The following MALRD1 variants were observed in gnomAD, a reference collection of about 807,000 sequenced individuals.
MALRD1 encodes the protein MAM and LDL receptor class A domain containing 1.
A neutral mutation model predicts 242.1 loss-of-function variants in MALRD1; 247 were observed. That is an observed-to-expected ratio of 1.02 (90% confidence interval 0.92 to 1.13). The LOEUF (loss-of-function observed/expected upper bound fraction) is 1.13. Among genes scored for constraint, MALRD1 ranks in the 50% most tolerant of loss-of-function variants. MALRD1 has a pLI of 0.00. For missense variants in MALRD1, 2,989 were observed against 2,533.1 expected (o/e 1.18, Z -3.86); for synonymous variants, 995 against 866.6 (o/e 1.15, Z -2.60).
intron 21 of MALRD1, among the ~76,000 whole-genome samples, chr10:19,322,344 T>G (rs1026785229): frequency 9.9e-5 from 15 of 152,132 alleles, no homozygotes; most frequent in Non-Finnish European, 2.9e-5. Context: ...AAATGATAAT[T>G]CTGCGTCTTA....
chr10:19,699,903 C>CA, intron 38 of MALRD1, among the ~76,000 whole-genome samples: 1 of 152,174 alleles, frequency 6.6e-6, no homozygotes, highest in Middle Eastern at 3.4e-3. Context: ...CCACCTCCAA[C>CA]ACTGGGGATT....
intron 31 of MALRD1, among the ~76,000 whole-genome samples, chr10:19,527,378 A>C (rs1326841133): frequency 2.0e-5 from 3 of 152,188 alleles, no homozygotes; most frequent in African/African-American, 7.2e-5. Flanking sequence ...GTTTCAATGT[A>C]TGTATGCAAT....
At chr10:19,406,626 C>T (rs11815610) in intron 28 of MALRD1, among the ~76,000 whole-genome samples, 3,192 of 152,004 alleles carry the variant, frequency 0.021, 101 homozygotes, top group African/African-American at 0.073. Flanking sequence ...TTATTCATGA[C>T]GAATAAATAT....
rs1157970550 is a variant in MALRD1 at position 19,331,418 on chromosome 10, T to G, written c.3737T>G (p.Val1246Gly). The G allele has an allele frequency of 6.4e-7, 1 of 1,550,572 alleles. No homozygotes were observed. The highest frequency in any genetic ancestry group is 2.4e-5 in the East Asian group (1 of 40,884). The change falls in exon 24 of 40, where the codon GTG (valine) becomes GGG (glycine). Residue 1246 changes from valine (V) to glycine (G), a missense_variant. Val to Gly is a moderately radical substitution (Grantham distance 109, BLOSUM62 -3). Transcript: ENST00000454679. ...RGISYIGDVA[V>G]DDISFQDCSP... Reference sequence around the variant, plus strand: ...ATCAGTTACATAGGAGATGTAGCAGTGGATGATATTTCCTTCCAAGATTGC... The same window carrying G: ...ATCAGTTACATAGGAGATGTAGCAGGGGATGATATTTCCTTCCAAGATTGC...
chr10:19,696,259 G>A lies in MALRD1; in HGVS notation c.6314+3705G>A, dbSNP rs2131834928. 3.3e-5 allele frequency among the ~76,000 whole-genome samples: 5 copies of A among 152,276 alleles called. 1 individual carries two copies. In the Middle Eastern group the frequency reaches 0.017, roughly 518 times the overall value. ...ACCCATTTTCTCATTCCTAGTATGG[G>A]TTCCAAGTAAACCAAGTAACAAATG... is the stretch of plus-strand genomic sequence containing the variant. On this transcript the variant is annotated intron_variant, in intron 38 of 39. Transcript: ENST00000454679.
rs187555585 is a variant in MALRD1, at chr10:19,613,060, A to C, written c.6071-2797A>C. Among the ~76,000 whole-genome samples the C allele has an allele frequency of 9.2e-5, 14 of 152,068 alleles. No homozygotes were observed. The East Asian group carries it at 2.7e-3, about 30-fold the overall frequency. ...GTTCTCTATTTTCTCACTATCCTTC[A>C]TGATTATCATCATTTATCTGTTCTA... On this transcript the variant is annotated intron_variant, in intron 35 of 39. Transcript: ENST00000454679.
At chr10:19,615,763 G>A in intron 35 of MALRD1, 94 bp from the exon 36 acceptor site, 1 of 1,016,316 alleles carries the variant, frequency 9.8e-7, no homozygotes. Flanking sequence ...TACTCTTAGA[G>A]ATTAGATTTA....
chr10:19,062,335 G>A (rs1032853522), intron 1 of MALRD1, among the ~76,000 whole-genome samples: 1 of 152,194 alleles, frequency 6.6e-6, no homozygotes, highest in African/African-American at 2.4e-5. Flanking sequence ...TGGTGGGAAT[G>A]TAAAATGTTG....
intron 29 of MALRD1, among the ~76,000 whole-genome samples, chr10:19,461,562 G>A (rs558197668): frequency 3.9e-5 from 6 of 152,266 alleles, no homozygotes; most frequent in African/African-American, 1.4e-4. Flanking sequence ...TAAAAAGTGA[G>A]AGGGGGTAGG....
intron 18 of MALRD1, among the ~76,000 whole-genome samples, chr10:19,212,841 A>G (rs1837131137): frequency 6.6e-6 from 1 of 152,160 alleles, no homozygotes; most frequent in Admixed American, 6.5e-5. Context: ...CCTAAGCATT[A>G]ATTATGTTGA....
At chr10:19,660,178 A>G (rs1273241254) in intron 36 of MALRD1, among the ~76,000 whole-genome samples, 1 of 152,186 alleles carries the variant, frequency 6.6e-6, no homozygotes, top group African/African-American at 2.4e-5. Flanking sequence ...AAGTCTGGTT[A>G]TACAGACAAT....
intron 31 of MALRD1, among the ~76,000 whole-genome samples, chr10:19,524,864 G>A (rs903956709): frequency 1.3e-5 from 2 of 151,636 alleles, no homozygotes; most frequent in African/African-American, 2.4e-5. Flanking sequence ...AGCTGTCAAA[G>A]CATACCTTTC....
chr10:19,613,334 C>A (rs1353992198), intron 35 of MALRD1, among the ~76,000 whole-genome samples: 4 of 151,904 alleles, frequency 2.6e-5, no homozygotes, highest in Non-Finnish European at 5.9e-5. Flanking sequence ...ACTTCGATGC[C>A]CCTTATGCAC....
intron 6 of MALRD1, 90 bp from the exon 7 acceptor site, chr10:19,124,434 T>C: frequency 2.7e-6 from 3 of 1,104,556 alleles, no homozygotes; most frequent in Non-Finnish European, 2.3e-6. Flanking sequence ...TGTGTGTATA[T>C]AAGCTTTTTG....
At chr10:19,550,966 G>A (rs1015021426) in intron 32 of MALRD1, among the ~76,000 whole-genome samples, 1 of 152,008 alleles carries the variant, frequency 6.6e-6, no homozygotes, top group African/African-American at 2.4e-5. Flanking sequence ...CCACAACCTT[G>A]CCAGCATCTG....
intron 18 of MALRD1, among the ~76,000 whole-genome samples, chr10:19,215,319 T>C (rs2131643426): frequency 6.6e-6 from 1 of 152,346 alleles, no homozygotes; most frequent in African/African-American, 2.4e-5. Flanking sequence ...GTCAGAACTG[T>C]GTAAGCTGAA....
intron 36 of MALRD1, among the ~76,000 whole-genome samples, chr10:19,632,164 G>A (rs947011586): frequency 6.6e-6 from 1 of 152,194 alleles, no homozygotes; most frequent in Non-Finnish European, 1.5e-5. Context: ...GAGACAAGGA[G>A]TAGACCTTGG....
intron 36 of MALRD1, among the ~76,000 whole-genome samples, chr10:19,620,699 G>A (rs1029698835): frequency 1.3e-5 from 2 of 151,990 alleles, no homozygotes; most frequent in African/African-American, 4.8e-5. Flanking sequence ...ACATTTTCAT[G>A]ACCCATCCCT....
chr10:19,398,756 T>C (rs1422961654), intron 28 of MALRD1, among the ~76,000 whole-genome samples: 1 of 152,218 alleles, frequency 6.6e-6, no homozygotes, highest in East Asian at 1.9e-4. Flanking sequence ...TATTAAGAAA[T>C]ATTAGTGTGC....
Sources: gnomAD v4.1 joint callset for allele counts (sites outside exome capture counted in the v4.1 genomes callset) on GRCh38, gnomAD v4.1.1 for gene constraint, MANE v1.5 for transcripts, NCBI Gene and HGNC (gene_info 2026-07-23, HGNC 2026-07-21) for gene names.